The following ZFAND3 variants were observed in gnomAD, a reference collection of about 807,000 sequenced individuals.
The protein encoded by ZFAND3 is zinc finger AN1-type containing 3.
A neutral mutation model predicts 29.6 loss-of-function variants in ZFAND3; 10 were observed. That is an observed-to-expected ratio of 0.34 (90% CI 0.21 to 0.57). ZFAND3 has a LOEUF of 0.57. Ranked by LOEUF, ZFAND3 falls within the 20% of genes least tolerant of loss-of-function variation. The pLI is 0.86. For missense variants in ZFAND3, 230 were observed against 304.5 expected, an observed-to-expected ratio of 0.76 and a Z score of 1.82; for synonymous variants, 128 against 112.6, an observed-to-expected ratio of 1.14 and a Z score of -0.87.
chr6:38,050,498 C>A (rs1764005365), intron 2 of ZFAND3, among the ~76,000 whole-genome samples: 1 of 152,060 alleles, frequency 6.6e-6, no homozygotes, highest in African/African-American at 2.4e-5. Context: ...CCATGCCGTT[C>A]TCGTGAAAGT....
intron 2 of ZFAND3, among the ~76,000 whole-genome samples, chr6:38,045,356 T>C (rs1348695986): frequency 6.6e-6 from 1 of 152,112 alleles, no homozygotes; most frequent in Non-Finnish European, 1.5e-5. Flanking sequence ...TCCAAAGTAG[T>C]GGGATTGCAG....
intron 1 of ZFAND3, among the ~76,000 whole-genome samples, chr6:37,868,570 T>C (rs967754657): frequency 6.6e-6 from 1 of 152,096 alleles, no homozygotes; most frequent in South Asian, 2.1e-4. Flanking sequence ...TTCTGTCTTG[T>C]ATGTGGTTAT....
chr6:38,043,325 A>G (rs1326620986), intron 2 of ZFAND3, among the ~76,000 whole-genome samples: 4 of 147,594 alleles, frequency 2.7e-5, no homozygotes, highest in Non-Finnish European at 6.0e-5. Context: ...ATTGACCTTG[A>G]TTTTAGGTTA....
intron 3 of ZFAND3, among the ~76,000 whole-genome samples, chr6:38,071,177 T>G (rs1160097115): frequency 6.6e-6 from 1 of 151,960 alleles, no homozygotes; most frequent in Non-Finnish European, 1.5e-5. Context: ...TTTTGGTATG[T>G]TACTTGGCTT....
intron 1 of ZFAND3, among the ~76,000 whole-genome samples, chr6:37,897,179 C>T (rs1291604856): frequency 6.6e-6 from 1 of 152,156 alleles, no homozygotes; most frequent in African/African-American, 2.4e-5. Flanking sequence ...TACCTGTAGG[C>T]TCCTTCTTGC....
intron 1 of ZFAND3, among the ~76,000 whole-genome samples, chr6:37,867,904 ATT>A (rs1764617812): frequency 1.3e-5 from 2 of 152,192 alleles, no homozygotes; most frequent in African/African-American, 2.4e-5. Flanking sequence ...ATGATTTAAT[ATT>A]TTTGACCGAG....
chr6:37,920,875 G>A (rs1761364426), intron 1 of ZFAND3, among the ~76,000 whole-genome samples: 2 of 152,106 alleles, frequency 1.3e-5, no homozygotes. Flanking sequence ...GTTTGCCTAG[G>A]GTGAGTAGAG....
chr6:37,896,826 G>A (rs1479236768), intron 1 of ZFAND3, among the ~76,000 whole-genome samples: 1 of 151,642 alleles, frequency 6.6e-6, no homozygotes, highest in Non-Finnish European at 1.5e-5. Context: ...TTAACTCTTT[G>A]TAGAAATTGC....
chr6:38,109,031 G>A (rs774551705), intron 4 of ZFAND3, among the ~76,000 whole-genome samples: 1 of 151,852 alleles, frequency 6.6e-6, no homozygotes, highest in Non-Finnish European at 1.5e-5. Context: ...CAAACCAAGG[G>A]TGTCCTCTCT....
chr6:37,914,662 C>CTTTTTTTTCCTTT (rs1761201322), intron 1 of ZFAND3, among the ~76,000 whole-genome samples: 1 of 62,474 alleles, frequency 1.6e-5, no homozygotes, highest in Non-Finnish European at 3.6e-5. Context: ...TTCTTTCTTT[C>CTTTTTTTTCCTTT]TTTTTTTTTC....
intron 1 of ZFAND3, among the ~76,000 whole-genome samples, chr6:37,873,340 AC>A (rs1395300702): frequency 6.6e-6 from 1 of 152,180 alleles, no homozygotes; most frequent in African/African-American, 2.4e-5. Flanking sequence ...TCTGTGTGCT[AC>A]CCCCTAGGGT....
At chr6:37,924,604 G>A (rs1761447343) in intron 1 of ZFAND3, among the ~76,000 whole-genome samples, 1 of 152,092 alleles carries the variant, frequency 6.6e-6, no homozygotes, top group Admixed American at 6.5e-5. Flanking sequence ...GGAGGCTGAG[G>A]TGGGAGGATC....
chr6:37,909,669 T>C (rs544348231), intron 1 of ZFAND3, among the ~76,000 whole-genome samples: 2 of 149,768 alleles, frequency 1.3e-5, no homozygotes, highest in Admixed American at 6.7e-5. Context: ...TGGTGGAGTT[T>C]CCTGTTTTGT....
intron 2 of ZFAND3, among the ~76,000 whole-genome samples, chr6:38,060,482 C>T (rs922376423): frequency 1.4e-5 from 2 of 147,878 alleles, no homozygotes. Context: ...TTTCTCTGTT[C>T]CTGTCCTGTC....
At chr6:38,107,947 A>G (rs1428387277) in intron 4 of ZFAND3, among the ~76,000 whole-genome samples, 1 of 151,916 alleles carries the variant, frequency 6.6e-6, no homozygotes, top group Non-Finnish European at 1.5e-5. Context: ...AAAAAAGCTC[A>G]CGTTATTTGA....
intron 3 of ZFAND3, among the ~76,000 whole-genome samples, chr6:38,081,824 T>C (rs1220241714): frequency 1.3e-5 from 2 of 152,170 alleles, no homozygotes; most frequent in Non-Finnish European, 2.9e-5. Flanking sequence ...CCTCTCGATA[T>C]CATATTTCTT....
intron 1 of ZFAND3, among the ~76,000 whole-genome samples, chr6:37,877,945 C>G (rs192820035): frequency 5.3e-5 from 8 of 152,320 alleles, no homozygotes; most frequent in Admixed American, 2.0e-4. Context: ...AAAGATCAAT[C>G]TGGCTGCTTT....
intron 2 of ZFAND3, among the ~76,000 whole-genome samples, chr6:37,939,799 C>T (rs868555167): frequency 7.9e-5 from 12 of 152,062 alleles, no homozygotes; most frequent in African/African-American, 2.7e-4. Flanking sequence ...CCCAACACTT[C>T]GGGAGGCTTA....
intron 1 of ZFAND3, among the ~76,000 whole-genome samples, chr6:37,914,421 C>T (rs1015118614): frequency 2.0e-5 from 3 of 152,110 alleles, no homozygotes; most frequent in Non-Finnish European, 4.4e-5. Context: ...GTGGTGCAAC[C>T]TCTGCCTCCT....
Sources: gnomAD v4.1 joint callset for allele counts (sites outside exome capture counted in the v4.1 genomes callset) on GRCh38, gnomAD v4.1.1 for gene constraint, MANE v1.5 for transcripts, NCBI Gene and HGNC (gene_info 2026-07-23, HGNC 2026-07-21) for gene names.